Variants in RBFOX1 observed in about 807,000 individuals in gnomAD.
RBFOX1 encodes the protein RNA binding fox-1 homolog 1.
Under a neutral mutation model 57.7 loss-of-function variants are expected in RBFOX1, and 8 were observed. That is an observed-to-expected ratio of 0.14 (90% CI 0.08 to 0.25). The LOEUF (loss-of-function observed/expected upper bound fraction) is 0.25. Among genes scored for constraint, RBFOX1 ranks in the 10% least tolerant of loss-of-function variants. The probability of loss-of-function intolerance (pLI) is 1.00; values close to 1 mark genes in which losing one functional copy is unlikely to be tolerated. For missense variants in RBFOX1, 611 were observed against 548.5 expected, an observed-to-expected ratio of 1.11 and a Z score of -1.14; for synonymous variants, 326 against 222.4, an observed-to-expected ratio of 1.47 and a Z score of -4.15.
At chr16:7,282,272 C>G (rs916959994) in intron 4 of RBFOX1, among the ~76,000 whole-genome samples, 3 of 152,190 alleles carry the variant, frequency 2.0e-5, no homozygotes, top group Non-Finnish European at 4.4e-5. Flanking sequence ...AAGTAAATGG[C>G]ATTTGCAAAG....
At chr16:5,576,450 C>A (rs1198189396) in intron 2 of RBFOX1, among the ~76,000 whole-genome samples, 1 of 152,176 alleles carries the variant, frequency 6.6e-6, no homozygotes, top group Non-Finnish European at 1.5e-5. Flanking sequence ...AATCCCCTCC[C>A]ACCAACCTAA....
chr16:6,468,610 A>C (rs1476912704), intron 2 of RBFOX1, among the ~76,000 whole-genome samples: 3 of 151,268 alleles, frequency 2.0e-5, no homozygotes, highest in African/African-American at 7.4e-5. Context: ...GTAGCCCTTA[A>C]ATGACTTTTT....
intron 3 of RBFOX1, among the ~76,000 whole-genome samples, chr16:6,679,444 C>G (rs113709581): frequency 1.2e-3 from 187 of 152,194 alleles, no homozygotes; most frequent in African/African-American, 4.2e-3. Context: ...TGCCTCGTTT[C>G]TTGGTCTCAC....
chr16:6,871,859 G>A (rs1430531068), intron 3 of RBFOX1, among the ~76,000 whole-genome samples: 5 of 151,534 alleles, frequency 3.3e-5, no homozygotes, highest in African/African-American at 7.3e-5. Context: ...TCCTAAATCC[G>A]CATCTGATGG....
intron 4 of RBFOX1, among the ~76,000 whole-genome samples, chr16:7,129,226 T>A (rs1416990194): frequency 6.6e-6 from 1 of 152,088 alleles, no homozygotes; most frequent in Non-Finnish European, 1.5e-5. Context: ...CTTTATATAG[T>A]TTTTATTGAT....
At chr16:5,303,607 A>C (rs894587738) in intron 1 of RBFOX1, among the ~76,000 whole-genome samples, 5 of 152,110 alleles carry the variant, frequency 3.3e-5, no homozygotes, top group Admixed American at 3.3e-4. Context: ...CTTGATTCCA[A>C]ACAGCGCTTG....
intron 2 of RBFOX1, among the ~76,000 whole-genome samples, chr16:6,535,087 G>A (rs1017170225): frequency 2.0e-5 from 3 of 152,274 alleles, no homozygotes; most frequent in Non-Finnish European, 4.4e-5. Flanking sequence ...ACCATGGTTG[G>A]GATGAGATTC....
rs187146766 is a variant in RBFOX1, at chr16:6,800,128, C to G, written c.-16+145478C>G. 3.4e-3 allele frequency among the ~76,000 whole-genome samples: 511 copies of G among 152,208 alleles called. 4 individuals are homozygous for G. Among genetic ancestry groups the G allele is most frequent in the Middle Eastern group, 0.014 (4 of 294 alleles). ...GTCTTATGCAGATGTATTATCGTTC[C>G]TAGTCCTACTGGTTTGGGCCAATTT... On this transcript the variant is annotated intron_variant, in intron 3 of 15. Coordinates refer to ENST00000550418, the MANE Select transcript of RBFOX1 (RefSeq NM_018723.4).
intron 4 of RBFOX1, among the ~76,000 whole-genome samples, chr16:6,009,949 A>G (rs185584055): frequency 6.6e-6 from 1 of 152,258 alleles, no homozygotes; most frequent in African/African-American, 2.4e-5. Context: ...TGAGTCTTAC[A>G]TACACTGCAG....
chr16:7,060,155 G>T (rs1242410546), intron 4 of RBFOX1, among the ~76,000 whole-genome samples: 1 of 152,062 alleles, frequency 6.6e-6, no homozygotes, highest in African/African-American at 2.4e-5. Flanking sequence ...ACTATTTTAG[G>T]ACCTGAAGGC....
intron 1 of RBFOX1, among the ~76,000 whole-genome samples, chr16:5,296,331 G>A (rs1415117428): frequency 6.6e-6 from 1 of 152,152 alleles, no homozygotes; most frequent in Non-Finnish European, 1.5e-5. Flanking sequence ...TTCTTTGCTA[G>A]AACAGCAGGA....
chr16:6,407,096 T>C (rs2093308298), intron 2 of RBFOX1, among the ~76,000 whole-genome samples: 2 of 152,198 alleles, frequency 1.3e-5, no homozygotes, highest in Non-Finnish European at 2.9e-5. Flanking sequence ...TAGAGAGTAA[T>C]TGAGATGGCT....
At chr16:6,887,077 C>G (rs2881226) in intron 3 of RBFOX1, among the ~76,000 whole-genome samples, 33,439 of 151,942 alleles carry the variant, frequency 0.22, 4,623 homozygotes, top group Admixed American at 0.36. Flanking sequence ...GTTGGATTTT[C>G]CCTGCAGCTT....
intron 9 of RBFOX1, among the ~76,000 whole-genome samples, chr16:7,601,382 T>A (rs2095014930): frequency 6.6e-6 from 1 of 152,188 alleles, no homozygotes; most frequent in African/African-American, 2.4e-5. Context: ...TACTACTATT[T>A]ATAGCGCAGT....
chr16:6,754,977 A>C (rs2075557744), intron 3 of RBFOX1, among the ~76,000 whole-genome samples: 3 of 151,896 alleles, frequency 2.0e-5, no homozygotes, highest in Admixed American at 2.0e-4. Context: ...TTCTTGGGAT[A>C]GTTTACTGAG....
At chr16:7,499,873 C>A (rs1424748454) in intron 4 of RBFOX1, among the ~76,000 whole-genome samples, 1 of 151,650 alleles carries the variant, frequency 6.6e-6, no homozygotes, top group African/African-American at 2.4e-5. Flanking sequence ...GACTTCTACA[C>A]TGTGAGTATC....
At chr16:6,917,871 A>C (rs1423179240) in intron 3 of RBFOX1, among the ~76,000 whole-genome samples, 1 of 152,170 alleles carries the variant, frequency 6.6e-6, no homozygotes, top group South Asian at 2.1e-4. Flanking sequence ...GAAAAATACC[A>C]AGAAACTGAC....
chr16:6,887,724 G>A (rs1291886269), intron 3 of RBFOX1, among the ~76,000 whole-genome samples: 1 of 151,336 alleles, frequency 6.6e-6, no homozygotes. Flanking sequence ...GTGCCCTGGT[G>A]CAATCTTGGC....
intron 2 of RBFOX1, among the ~76,000 whole-genome samples, chr16:6,432,302 T>G (rs2094122262): frequency 6.6e-6 from 1 of 152,034 alleles, no homozygotes; most frequent in African/African-American, 2.4e-5. Context: ...CAGGCATAGG[T>G]AGTATTTAAC....
Sources: allele counts gnomAD v4.1 joint callset (sites outside exome capture counted in the v4.1 genomes callset), GRCh38; gene constraint gnomAD v4.1.1; transcripts MANE v1.5; gene names NCBI Gene and HGNC (gene_info 2026-07-23, HGNC 2026-07-21).